The following SHISA9 variants were observed in gnomAD, a reference collection of about 807,000 sequenced individuals.
SHISA9 encodes the protein protein shisa-9.
SHISA9 carries 13 observed loss-of-function variants against 38.0 expected under a neutral mutation model. That is an observed-to-expected ratio of 0.34 (90% confidence interval 0.22 to 0.54). The LOEUF is 0.54. Among genes scored for constraint, SHISA9 ranks in the 20% least tolerant of loss-of-function variants. SHISA9 has a pLI of 0.91. For missense variants in SHISA9, 538 were observed against 575.8 expected (o/e 0.93, Z 0.67); for synonymous variants, 275 against 242.0 (o/e 1.14, Z -1.27).
At chr16:13,159,358 G>A (rs1022437082) in intron 2 of SHISA9, among the ~76,000 whole-genome samples, 1 of 152,172 alleles carries the variant, frequency 6.6e-6, no homozygotes, top group African/African-American at 2.4e-5. Context: ...TTTCCTAGCT[G>A]TGGAAGAGGA....
chr16:13,267,889 T>C, the SHISA9 span, among the ~76,000 whole-genome samples: 3 of 151,780 alleles, frequency 2.0e-5, no homozygotes, highest in Admixed American at 2.0e-4. Context: ...TTTTTTTTTT[T>C]TTGGCTCAGC....
the SHISA9 span, among the ~76,000 whole-genome samples, chr16:13,469,315 AG>A: frequency 1.9e-4 from 21 of 109,244 alleles, 2 homozygotes; most frequent in East Asian, 2.7e-4. Context: ...AGAGAGAGAG[AG>A]AGAGAGAAAG....
intron 2 of SHISA9, among the ~76,000 whole-genome samples, chr16:12,964,466 A>G (rs1183612717): frequency 6.6e-6 from 1 of 152,032 alleles, no homozygotes; most frequent in African/African-American, 2.4e-5. Context: ...TCAAAGGTAC[A>G]GTGGCCATCA....
intron 1 of SHISA9, chr16:12,908,858 C>G (rs1567334898): frequency 1.0e-5 from 12 of 1,143,462 alleles, no homozygotes; most frequent in Non-Finnish European, 1.3e-5. Context: ...GTAGGGAACA[C>G]ATGTCATTAT....
At chr16:13,061,542 A>G (rs2073376111) in intron 2 of SHISA9, among the ~76,000 whole-genome samples, 1 of 152,222 alleles carries the variant, frequency 6.6e-6, no homozygotes, top group Non-Finnish European at 1.5e-5. Context: ...TGGAGAATGC[A>G]TTAGCTAGAC....
At chr16:13,099,205 G>A (rs1181249528) in intron 2 of SHISA9, among the ~76,000 whole-genome samples, 2 of 152,192 alleles carry the variant, frequency 1.3e-5, no homozygotes, top group African/African-American at 4.8e-5. Flanking sequence ...ACAATGACAG[G>A]CTCACAAGCT....
chr16:12,958,164 G>C (rs938035300), intron 2 of SHISA9, among the ~76,000 whole-genome samples: 3 of 152,166 alleles, frequency 2.0e-5, no homozygotes, highest in African/African-American at 2.4e-5. Flanking sequence ...ATCTCCTGTA[G>C]GCTTCCAAGG....
chr16:13,006,742 G>A (rs540049214), intron 2 of SHISA9, among the ~76,000 whole-genome samples: 11 of 152,246 alleles, frequency 7.2e-5, no homozygotes, highest in Middle Eastern at 3.4e-3. Context: ...ATAGACATCC[G>A]TCACTGATTC....
chr16:13,369,295 A>G, the SHISA9 span, among the ~76,000 whole-genome samples: 1 of 152,288 alleles, frequency 6.6e-6, no homozygotes, highest in Non-Finnish European at 1.5e-5. Flanking sequence ...TAGGGCTACG[A>G]GATTAGGAAC....
the SHISA9 span, among the ~76,000 whole-genome samples, chr16:13,337,442 G>A: frequency 2.6e-5 from 4 of 152,196 alleles, no homozygotes; most frequent in African/African-American, 7.2e-5. Flanking sequence ...GTGGAACTGT[G>A]AGTCCATTAA....
intron 2 of SHISA9, among the ~76,000 whole-genome samples, chr16:13,134,073 G>T (rs1011274077): frequency 6.6e-6 from 1 of 152,132 alleles, no homozygotes; most frequent in Admixed American, 6.6e-5. Flanking sequence ...TCCACTAGGT[G>T]TAAGAAACTT....
intron 2 of SHISA9, among the ~76,000 whole-genome samples, chr16:13,193,226 G>A (rs995188143): frequency 3.9e-5 from 6 of 152,182 alleles, no homozygotes; most frequent in African/African-American, 1.4e-4. Flanking sequence ...GTTATAACAT[G>A]CTGTGTGGCT....
intron 2 of SHISA9, among the ~76,000 whole-genome samples, chr16:12,940,030 G>T (rs2071588694): frequency 6.6e-6 from 1 of 152,196 alleles, no homozygotes; most frequent in African/African-American, 2.4e-5. Flanking sequence ...TTACTCTGTA[G>T]GCAACTAAAG....
chr16:13,239,064 C>T lies in SHISA9; in HGVS notation c.*3655C>T, dbSNP rs1476892205. 1.4e-5 allele frequency: 2 copies of T among 140,666 alleles called. No homozygotes were observed. Among genetic ancestry groups the T allele is most frequent in the African/African-American group, 5.4e-5 (2 of 36,842 alleles). 8.7% of individuals were successfully genotyped at this position (140,666 alleles called of 1,614,324 possible). On this transcript the variant is annotated 3_prime_UTR_variant, in exon 5 of 5. Transcript: ENST00000558583. ...TGTGTTCTCATTGTTCAATTCCCAT[C>T]TATGAGTGAGAACATGCAGTGTTTG...
intron 2 of SHISA9, among the ~76,000 whole-genome samples, chr16:12,993,010 C>T (rs576734561): frequency 3.3e-5 from 5 of 152,198 alleles, no homozygotes; most frequent in Non-Finnish European, 5.9e-5. Context: ...CCATTTGGCA[C>T]ACACTGCTTT....
chr16:13,470,135 A>G, the SHISA9 span, among the ~76,000 whole-genome samples: 8 of 152,194 alleles, frequency 5.3e-5, no homozygotes, highest in Non-Finnish European at 1.2e-4. Context: ...TTATTCAAAA[A>G]TAAGAAAAGT....
the SHISA9 span, among the ~76,000 whole-genome samples, chr16:13,283,673 G>A: frequency 2.0e-5 from 3 of 151,856 alleles, no homozygotes; most frequent in East Asian, 5.8e-4. Flanking sequence ...GGGAGTTATG[G>A]AAACTGCAAT....
rs569976979 is a variant in SHISA9 at position 12,915,084 on chromosome 16, G to A, written c.564-1604G>A. Among the ~76,000 whole-genome samples the A allele has an allele frequency of 1.3e-4, 20 of 152,318 alleles. No homozygotes were observed. The South Asian group carries it at 3.7e-3, about 28-fold the overall frequency. ...AGGGCTCTGGCCAGCTAAGGGCATGGGGGTATATCCCCAAACACGGCAATT... is the reference window on the plus strand; with the variant it reads ...AGGGCTCTGGCCAGCTAAGGGCATGAGGGTATATCCCCAAACACGGCAATT... On this transcript the variant is annotated intron_variant, in intron 1 of 4. Coordinates refer to ENST00000558583, the MANE Select transcript of SHISA9 (RefSeq NM_001145204.3).
intron 2 of SHISA9, among the ~76,000 whole-genome samples, chr16:12,925,030 G>A (rs993230522): frequency 6.6e-6 from 1 of 151,958 alleles, no homozygotes; most frequent in East Asian, 1.9e-4. Flanking sequence ...TTTGTAGAAT[G>A]AGTGACTATT....
Sources: gnomAD v4.1 joint callset for allele counts (sites outside exome capture counted in the v4.1 genomes callset) on GRCh38, gnomAD v4.1.1 for gene constraint, MANE v1.5 for transcripts, NCBI Gene and HGNC (gene_info 2026-07-23, HGNC 2026-07-21) for gene names.